PLAC8: variants seen among roughly 807,000 people sequenced by gnomAD.
The protein encoded by PLAC8 is placenta-specific gene 8 protein.
PLAC8 carries 6 observed loss-of-function variants against 12.6 expected under a neutral mutation model. The ratio of observed to expected loss-of-function variants is 0.48; its 90% confidence interval spans 0.26 to 0.94. The LOEUF is 0.94. Ranked by LOEUF, PLAC8 falls within the 40% of genes least tolerant of loss-of-function variation. The pLI, the probability that PLAC8 is intolerant of heterozygous loss-of-function variation, is 0.14. For synonymous variants in PLAC8, 54 were observed against 52.6 expected (o/e 1.03, Z -0.11); for missense variants, 122 against 152.7 (o/e 0.80, Z 1.06).
intron 3 of PLAC8, among the ~76,000 whole-genome samples, chr4:83,100,419 T>A (rs1732067078): frequency 6.6e-6 from 1 of 152,174 alleles, no homozygotes; most frequent in Admixed American, 6.5e-5. Context: ...CCACTATGCT[T>A]CCTGTACAGC....
intron 4 of PLAC8, chr4:83,093,607 C>T (rs1731858777): frequency 6.6e-6 from 1 of 152,200 alleles, no homozygotes; most frequent in Non-Finnish European, 1.5e-5. Flanking sequence ...TCACTGCTTT[C>T]AAGAAACTTT....
In PLAC8 at chr4:83,090,717, A is replaced by G. The variant is rs1462242145; in HGVS notation, c.*264T>C. On this transcript the variant is annotated 3_prime_UTR_variant, in exon 5 of 5. Coordinates refer to ENST00000311507, the MANE Select transcript of PLAC8 (RefSeq NM_016619.3). ...CAGTAAAATATTTCATTTGGTTTAT[A>G]TTTCAAATGTAATTTAAAAAGTTTA... 6.8e-6 allele frequency: 1 copy of G among 147,902 alleles called. No homozygotes were observed. The highest frequency in any genetic ancestry group is 1.5e-5 in the Non-Finnish European group (1 of 67,326). 9.2% of individuals were successfully genotyped at this position (147,902 alleles called of 1,614,324 possible).
At chr4:83,096,442 A>G (rs1731927922) in intron 3 of PLAC8, among the ~76,000 whole-genome samples, 1 of 148,902 alleles carries the variant, frequency 6.7e-6, no homozygotes, top group South Asian at 2.1e-4. Flanking sequence ...CTTGTGAACA[A>G]AATTTAAATA....
intron 1 of PLAC8, among the ~76,000 whole-genome samples, chr4:83,108,642 G>A (rs1578745148): frequency 6.6e-6 from 1 of 152,190 alleles, no homozygotes; most frequent in East Asian, 1.9e-4. Flanking sequence ...AACTGGGAAG[G>A]TGAACAGTTG....
chr4:83,103,275 A>G (rs1211978694), intron 3 of PLAC8, among the ~76,000 whole-genome samples: 2 of 151,276 alleles, frequency 1.3e-5, no homozygotes, highest in Admixed American at 6.6e-5. Flanking sequence ...GGTACCTGTA[A>G]TCTCAGCTAC....
rs1232194343 is a variant in PLAC8 at position 83,112,220 on chromosome 4, A to ATG, written c.-30+2445_-30+2446insCA. On this transcript the variant is annotated intron_variant, in intron 1 of 4. Transcript: ENST00000311507. ...TATATATATGTATATATATATATGT[A>ATG]TATATATATATATATATGTATCAGC... is the stretch of plus-strand genomic sequence containing the variant. Among the ~76,000 whole-genome samples the ATG allele has an allele frequency of 7.1e-3, 75 of 10,592 alleles. 1 individual carries two copies. Among genetic ancestry groups the ATG allele is most frequent in the Admixed American group, 0.067 (32 of 478 alleles). The allele number at this position is 10,592 out of a possible 152,430, so 6.9% of individuals were successfully genotyped here.
chr4:83,098,194 C>T (rs183276306), intron 3 of PLAC8, among the ~76,000 whole-genome samples: 6 of 152,132 alleles, frequency 3.9e-5, no homozygotes, highest in East Asian at 1.9e-4. Flanking sequence ...AAAAGACTAA[C>T]GGGACGAAAC....
intron 3 of PLAC8, 143 bp downstream of exon 3, chr4:83,104,753 A>G (rs1202229332): frequency 1.1e-6 from 1 of 884,536 alleles, no homozygotes; most frequent in Non-Finnish European, 1.8e-6. Flanking sequence ...ATCTGTTGCT[A>G]CAACTGAATG....
intron 1 of PLAC8, chr4:83,109,982 G>T (rs1732367803): frequency 6.6e-6 from 1 of 152,208 alleles, no homozygotes; most frequent in African/African-American, 2.4e-5. Context: ...GCCCTCGGGG[G>T]ACCATTCGCC....
rs148993367 is a variant in PLAC8 at position 83,095,881 on chromosome 4, C to T, written c.244-1090G>A. ...TTAGAAAACAGTGGCATTTACATTC[C>T]TGGCATTTAATGGACTTGAAACTGA... On this transcript the variant is annotated intron_variant, in intron 3 of 4. Coordinates refer to ENST00000311507, the MANE Select transcript of PLAC8 (RefSeq NM_016619.3). 6.9e-3 allele frequency among the ~76,000 whole-genome samples: 1,051 copies of T among 152,270 alleles called. 10 individuals are homozygous for T. The highest frequency in any genetic ancestry group is 0.024 in the African/African-American group (982 of 41,538).
At chr4:83,096,109 A>C (rs1322894741) in intron 3 of PLAC8, among the ~76,000 whole-genome samples, 2 of 152,288 alleles carry the variant, frequency 1.3e-5, no homozygotes, top group Non-Finnish European at 1.5e-5. Flanking sequence ...GGCAAAAGGG[A>C]GGTCTGCTTT....
intron 3 of PLAC8, among the ~76,000 whole-genome samples, chr4:83,095,663 A>C (rs1560451823): frequency 6.6e-6 from 1 of 152,230 alleles, no homozygotes; most frequent in Non-Finnish European, 1.5e-5. Context: ...GGAGGTTAAC[A>C]GATAATGCCT....
chr4:83,113,267 G>A (rs1365512653), intron 1 of PLAC8, among the ~76,000 whole-genome samples: 3 of 152,080 alleles, frequency 2.0e-5, no homozygotes, highest in East Asian at 1.9e-4. Flanking sequence ...TTCGAAAAAC[G>A]GTACACCTTC....
At chr4:83,110,694 A>C (rs1732404914) in intron 1 of PLAC8, among the ~76,000 whole-genome samples, 1 of 152,252 alleles carries the variant, frequency 6.6e-6, no homozygotes, top group Non-Finnish European at 1.5e-5. Flanking sequence ...AACAAGGCTA[A>C]TGTTTCACCT....
chr4:83,114,685 G>A lies in PLAC8; in HGVS notation c.-49C>T, dbSNP rs1232999709. 6.6e-6 allele frequency: 1 copy of A among 151,884 alleles called. No homozygotes were observed. Among genetic ancestry groups the A allele is most frequent in the Non-Finnish European group, 1.5e-5 (1 of 67,990 alleles). 9.4% of individuals were successfully genotyped at this position (151,884 alleles called of 1,614,324 possible). On this transcript the variant is annotated 5_prime_UTR_variant, in exon 1 of 5. Coordinates refer to ENST00000311507, the MANE Select transcript of PLAC8 (RefSeq NM_016619.3). ...ACTTACAATTAGTAAACAAGGTTCC[G>A]AGCAGGAAATGTCTTGTGGCCTGGG...
In PLAC8 at chr4:83,104,391, A is replaced by C. The variant is rs921800946; in HGVS notation, c.243+505T>G. Among the ~76,000 whole-genome samples the C allele has an allele frequency of 3.9e-5, 6 of 152,314 alleles. No individual in the cohort carries two copies. In the Middle Eastern group the frequency reaches 0.01, roughly 259 times the overall value. ...ATCTTATTGGTTCTGTTTCTAATGC[A>C]CTTAGGAGGACTCTAAGTAATATAA... On this transcript the variant is annotated intron_variant, in intron 3 of 4. Transcript: ENST00000311507.
At chr4:83,100,176 G>A (rs1280020147) in intron 3 of PLAC8, among the ~76,000 whole-genome samples, 1 of 151,488 alleles carries the variant, frequency 6.6e-6, no homozygotes, top group African/African-American at 2.4e-5. Flanking sequence ...AGCTACTTGG[G>A]AGGCTGAGGC....
Position 83,090,486 on chromosome 4 carries a change from C to T in PLAC8, c.*495G>A, listed in dbSNP as rs1301397186. On this transcript the variant is annotated 3_prime_UTR_variant, in exon 5 of 5. Coordinates refer to ENST00000311507, the MANE Select transcript of PLAC8 (RefSeq NM_016619.3). The stretch of plus-strand genomic sequence containing the variant: ...GAGGTTGCAGTGAGCTGAGATCACG[C>T]CACTGCACTCCAGCCTGGGCAACAG... 1 of 138,956 alleles carries T rather than the reference C, an allele frequency of 7.2e-6. No homozygotes were observed. The highest frequency in any genetic ancestry group is 1.5e-5 in the Non-Finnish European group (1 of 65,894). 8.6% of individuals were successfully genotyped at this position (138,956 alleles called of 1,614,324 possible). A position where few individuals can be genotyped will look rare whatever the true frequency, so the allele number is the denominator to read the frequency against.
Position 83,101,116 on chromosome 4 carries a change from A to C in PLAC8, c.243+3780T>G, listed in dbSNP as rs527701754. Among the ~76,000 whole-genome samples the C allele has an allele frequency of 5.4e-4, 83 of 152,342 alleles. 1 individual carries two copies. Among genetic ancestry groups the C allele is most frequent in the African/African-American group, 1.9e-3 (77 of 41,580 alleles). ...CAGAAGAAGCTGGGCGTGGTGGCTC[A>C]TGCCTATAATCCCAGCACTTTGGGA... is the stretch of plus-strand genomic sequence containing the variant. On this transcript the variant is annotated intron_variant, in intron 3 of 4. Transcript: ENST00000311507.
Sources: allele counts gnomAD v4.1 joint callset (sites outside exome capture counted in the v4.1 genomes callset), GRCh38; gene constraint gnomAD v4.1.1; transcripts MANE v1.5; gene names NCBI Gene and HGNC (gene_info 2026-07-23, HGNC 2026-07-21).